Variants in GPC6 observed in about 807,000 individuals in gnomAD.
The protein encoded by GPC6 is glypican-6.
A neutral mutation model predicts 55.2 loss-of-function variants in GPC6; 14 were observed. The observed-to-expected ratio is 0.25, with a 90% CI of 0.17 to 0.40. The LOEUF is 0.40. GPC6 is among the 10% of genes least tolerant of loss of function. The pLI is 1.00. For synonymous variants in GPC6, 278 were observed against 259.6 expected, an observed-to-expected ratio of 1.07 and a Z score of -0.68; for missense variants, 641 against 708.5, an observed-to-expected ratio of 0.90 and a Z score of 1.08.
At chr13:93,601,531 A>G (rs1159341212) in intron 2 of GPC6, among the ~76,000 whole-genome samples, 3 of 152,196 alleles carry the variant, frequency 2.0e-5, no homozygotes, top group Non-Finnish European at 4.4e-5. Flanking sequence ...GCATTCAGTT[A>G]TTATCCCTTC....
intron 2 of GPC6, among the ~76,000 whole-genome samples, chr13:93,585,534 T>A (rs909035905): frequency 7.2e-5 from 11 of 152,210 alleles, no homozygotes; most frequent in African/African-American, 2.7e-4. Flanking sequence ...CTTAGAAACC[T>A]AATAATAAAG....
At chr13:93,775,858 G>T (rs996417693) in intron 2 of GPC6, among the ~76,000 whole-genome samples, 1 of 152,092 alleles carries the variant, frequency 6.6e-6, no homozygotes. Context: ...GAGATATAGT[G>T]CTGTCAGAAA....
intron 2 of GPC6, among the ~76,000 whole-genome samples, chr13:93,599,276 C>T (rs1877904127): frequency 7.3e-6 from 1 of 137,174 alleles, no homozygotes. Flanking sequence ...TAGAAACTGC[C>T]AAATATTGGT....
chr13:93,853,923 G>C (rs1480006693), intron 3 of GPC6, among the ~76,000 whole-genome samples: 1 of 151,676 alleles, frequency 6.6e-6, no homozygotes, highest in Non-Finnish European at 1.5e-5. Context: ...ACAGGGACAA[G>C]ATAAAATGAC....
intron 2 of GPC6, among the ~76,000 whole-genome samples, chr13:93,764,583 AACACACACACACAC>A (rs10595180): frequency 1.3e-5 from 2 of 148,450 alleles, no homozygotes; most frequent in Admixed American, 6.7e-5. Flanking sequence ...TAAAGATGTA[AACACACACACACAC>A]ACACACACAC....
chr13:93,280,694 G>A (rs146081989), intron 1 of GPC6, among the ~76,000 whole-genome samples: 9 of 152,336 alleles, frequency 5.9e-5, no homozygotes, highest in East Asian at 1.9e-4. Context: ...ATATGCTGGC[G>A]CTAATTTTTT....
chr13:93,472,196 G>A (rs1188458811), intron 1 of GPC6, among the ~76,000 whole-genome samples: 1 of 152,074 alleles, frequency 6.6e-6, no homozygotes, highest in Non-Finnish European at 1.5e-5. Context: ...ATATTATCTT[G>A]AACATTTTAT....
At chr13:93,967,965 G>A (rs1594628545) in intron 3 of GPC6, among the ~76,000 whole-genome samples, 1 of 152,130 alleles carries the variant, frequency 6.6e-6, no homozygotes, top group Admixed American at 6.6e-5. Context: ...CATTGACTCA[G>A]TAAAATTAAA....
At chr13:94,373,090 T>A (rs1277642174) in intron 6 of GPC6, among the ~76,000 whole-genome samples, 1 of 151,962 alleles carries the variant, frequency 6.6e-6, no homozygotes, top group Non-Finnish European at 1.5e-5. Flanking sequence ...AGACCAAAAG[T>A]AGATAAAACC....
rs950603706 is a variant in GPC6, at chr13:94,370,740, T to C, written c.1153-11674T>C. On this transcript the variant is annotated intron_variant, in intron 6 of 8. Transcript: ENST00000377047. ...TGGTCTTGCACCTCTATCAGCAAAATATTCCGAATGATAAACAACCAGAGT... is the reference window on the plus strand; with the variant it reads ...TGGTCTTGCACCTCTATCAGCAAAACATTCCGAATGATAAACAACCAGAGT... Among the ~76,000 whole-genome samples, 62 of 152,172 alleles carry C rather than the reference T, an allele frequency of 4.1e-4. 1 individual carries two copies. Among genetic ancestry groups the C allele is most frequent in the Non-Finnish European group, 7.3e-5 (5 of 68,044 alleles).
intron 4 of GPC6, among the ~76,000 whole-genome samples, chr13:94,083,963 G>A (rs1001048065): frequency 6.6e-6 from 1 of 152,106 alleles, no homozygotes; most frequent in African/African-American, 2.4e-5. Flanking sequence ...GAGAGAAAGT[G>A]GAATAAGGAA....
chr13:94,244,421 A>C (rs1292969090), intron 4 of GPC6, among the ~76,000 whole-genome samples: 1 of 152,112 alleles, frequency 6.6e-6, no homozygotes, highest in East Asian at 1.9e-4. Context: ...TTTGGGCACT[A>C]TCTCAAGGTT....
intron 2 of GPC6, among the ~76,000 whole-genome samples, chr13:93,782,729 T>C (rs1223245724): frequency 6.6e-6 from 1 of 152,142 alleles, no homozygotes; most frequent in Non-Finnish European, 1.5e-5. Context: ...ATGTCTTCTT[T>C]TAAGAAATAT....
chr13:93,801,287 A>G (rs1369745565), intron 2 of GPC6, among the ~76,000 whole-genome samples: 2 of 152,186 alleles, frequency 1.3e-5, no homozygotes, highest in Admixed American at 6.5e-5. Context: ...TATGTATTTA[A>G]ACATAAAGAC....
chr13:94,345,871 T>G (rs1039065471), intron 6 of GPC6, among the ~76,000 whole-genome samples: 4 of 152,122 alleles, frequency 2.6e-5, no homozygotes, highest in African/African-American at 9.7e-5. Context: ...CCTAGACGTC[T>G]GAAATTAAGG....
intron 4 of GPC6, among the ~76,000 whole-genome samples, chr13:94,168,179 TGG>T (rs1167019067): frequency 4.6e-5 from 7 of 152,266 alleles, no homozygotes; most frequent in Non-Finnish European, 1.0e-4. Flanking sequence ...TGGGTCCCTC[TGG>T]CTCCAAAACC....
intron 1 of GPC6, among the ~76,000 whole-genome samples, chr13:93,267,199 G>A (rs969484539): frequency 6.6e-6 from 1 of 152,092 alleles, no homozygotes; most frequent in Admixed American, 6.5e-5. Context: ...TTAGGATCTT[G>A]ATGAATTCAA....
At chr13:94,075,255 C>G (rs534268635) in intron 4 of GPC6, among the ~76,000 whole-genome samples, 2 of 152,248 alleles carry the variant, frequency 1.3e-5, no homozygotes, top group South Asian at 2.1e-4. Flanking sequence ...ATCAGCTTTA[C>G]TGAGATAATA....
At chr13:94,157,940 T>C (rs889436529) in intron 4 of GPC6, among the ~76,000 whole-genome samples, 5 of 152,100 alleles carry the variant, frequency 3.3e-5, no homozygotes, top group Admixed American at 6.6e-5. Context: ...GAGCTCAACA[T>C]GGGGAGGCTG....
Sources: gnomAD v4.1 joint callset for allele counts (sites outside exome capture counted in the v4.1 genomes callset) on GRCh38, gnomAD v4.1.1 for gene constraint, MANE v1.5 for transcripts, NCBI Gene and HGNC (gene_info 2026-07-23, HGNC 2026-07-21) for gene names.